The following PRKD2 variants were observed in gnomAD, a reference collection of about 807,000 sequenced individuals.
PRKD2 encodes serine/threonine-protein kinase D2.
PRKD2 carries 22 observed loss-of-function variants against 86.0 expected under a neutral mutation model. The observed-to-expected ratio is 0.26, with a 90% CI of 0.18 to 0.37. The LOEUF is 0.37. PRKD2 is among the 10% of genes least tolerant of loss of function. PRKD2 has a pLI of 1.00. For synonymous variants in PRKD2, 509 were observed against 510.9 expected (o/e 1.00, Z 0.05); for missense variants, 818 against 1,199.2 (o/e 0.68, Z 4.70).
chr19:46,699,154 CCCAGGGCCTTTG>C (rs765598719), intron 7 of PRKD2, among the ~76,000 whole-genome samples: 1 of 152,108 alleles, frequency 6.6e-6, no homozygotes, highest in Non-Finnish European at 1.5e-5. Flanking sequence ...GTGCCTCCAC[CCCAGGGCCTTTG>C]CACTCGCTGT....
At chr19:46,713,164 G>A (rs1030246574) in intron 2 of PRKD2, among the ~76,000 whole-genome samples, 3 of 149,212 alleles carry the variant, frequency 2.0e-5, no homozygotes, top group South Asian at 2.1e-4. Flanking sequence ...GACTACAGAC[G>A]TGTGCCACCT....
chr19:46,675,132 AG>A lies in PRKD2; in HGVS notation c.2339-15del. The A allele has an allele frequency of 6.2e-7, 1 of 1,603,978 alleles. No homozygotes were observed. Among genetic ancestry groups the A allele is most frequent in the Non-Finnish European group, 8.5e-7 (1 of 1,173,932 alleles). ...TGAGGTCAATGGCTGCACAGGAAAG[AG>A]AAACAGGTCAAGCCCTACAGGTCAA... On this transcript the variant is annotated splice_polypyrimidine_tract_variant and intron_variant, in intron 16 of 17. Coordinates refer to ENST00000291281, the MANE Select transcript of PRKD2 (RefSeq NM_016457.5).
chr19:46,693,310 C>T lies in PRKD2; in HGVS notation c.1576+565G>A, dbSNP rs754180019. Among the ~76,000 whole-genome samples, 3 of 152,204 alleles carry T rather than the reference C, an allele frequency of 2.0e-5. No homozygotes were observed. The highest frequency in any genetic ancestry group is 6.5e-5 in the Admixed American group (1 of 15,272). On this transcript the variant is annotated intron_variant, in intron 10 of 17. Transcript: ENST00000291281. The surrounding 1 kb of genome is among the most constrained non-coding windows in gnomAD (Gnocchi z 4.5). ...CACCACTGGGTCCCCAGCACTGTCC[C>T]GCACAGAGGAGGCACTCAGTAAGTG...
At chr19:46,681,236 G>A (rs2053301701) in intron 15 of PRKD2, among the ~76,000 whole-genome samples, 1 of 148,884 alleles carries the variant, frequency 6.7e-6, no homozygotes, top group Non-Finnish European at 1.5e-5. Context: ...GATTACAGGC[G>A]TGAGCCACCG....
chr19:46,680,099 G>A (rs2053273928), intron 15 of PRKD2, among the ~76,000 whole-genome samples: 1 of 152,050 alleles, frequency 6.6e-6, no homozygotes, highest in South Asian at 2.1e-4. Flanking sequence ...GTTGCTTGCA[G>A]GATAGAGCCC....
chr19:46,689,804 T>A (rs948530100), intron 13 of PRKD2, 106 bp from the exon 14 acceptor site: 1 of 1,335,214 alleles, frequency 7.5e-7, no homozygotes, highest in African/African-American at 1.4e-5. Flanking sequence ...AGGATGTCCC[T>A]GGGGTATTGG....
In PRKD2 at chr19:46,678,906, T is replaced by G. The variant is rs533670458; in HGVS notation, c.2071-243A>C. ...CTCAGAGGACTGCCATGATGGTTAG[T>G]GAATTAAACCATCCAAAGCCCACAG... On this transcript the variant is annotated intron_variant, in intron 15 of 17. Transcript: ENST00000291281. This position sits in a 1 kb window ranked among gnomAD's most constrained non-coding sequence, Gnocchi z 5.7. Among the ~76,000 whole-genome samples the G allele has an allele frequency of 7.2e-5, 11 of 152,316 alleles. No individual in the cohort carries two copies. Among genetic ancestry groups the G allele is most frequent in the Admixed American group, 1.3e-4 (2 of 15,298 alleles).
Position 46,693,626 on chromosome 19 carries a change from T to C in PRKD2, c.1576+249A>G, listed in dbSNP as rs533820597. On this transcript the variant is annotated intron_variant, in intron 10 of 17. Coordinates refer to ENST00000291281, the MANE Select transcript of PRKD2 (RefSeq NM_016457.5). The surrounding 1 kb of genome is among the most constrained non-coding windows in gnomAD (Gnocchi z 4.5). ...TAATTGTTTTTATTTTTTGTAGAGA[T>C]GGAATCTCATTATGTTGCCCAGGCT... Among the ~76,000 whole-genome samples the C allele has an allele frequency of 5.3e-5, 8 of 152,224 alleles. No individual in the cohort carries two copies. Among genetic ancestry groups the C allele is most frequent in the Non-Finnish European group, 1.0e-4 (7 of 67,996 alleles).
chr19:46,691,694 A>G, intron 12 of PRKD2, 41 bp downstream of exon 12: 1 of 1,601,690 alleles, frequency 6.2e-7, no homozygotes, highest in Non-Finnish European at 8.5e-7. Context: ...AGCTTCCCCC[A>G]GCCCGGGGCT....
Position 46,694,082 on chromosome 19 carries a change from G to C in PRKD2, c.1369C>G (p.Leu457Val). 6.2e-7 allele frequency: 1 copy of C among 1,614,184 alleles called. No homozygotes were observed. Among genetic ancestry groups the C allele is most frequent in the Non-Finnish European group, 8.5e-7 (1 of 1,180,036 alleles). The part of the protein sequence containing the change: ...LTVESAQNFS[L>V]VPPGTNPHCF... ...TGTGGGTTGGTGCCCGGCGGCACAA[G>C]GCTGAAGTTCTGGGCGGACTCCACC... The change falls in exon 10 of 18, where the codon CTT (leucine) becomes GTT (valine). Residue 457 changes from leucine (L) to valine (V), a missense_variant. Leu to Val is a conservative substitution (Grantham distance 32). This residue lies in a region of PRKD2 where 127 missense variants were observed against 157.8 expected (regional missense o/e 0.80). Transcript: ENST00000291281.
intron 15 of PRKD2, among the ~76,000 whole-genome samples, chr19:46,680,946 A>ATATATATATATATATATATTT: frequency 1.6e-3 from 75 of 48,168 alleles, no homozygotes; most frequent in Non-Finnish European, 2.2e-3. Context: ...ATATATATAT[A>ATATATATATATATATATATTT]TTTTTTTTTT....
chr19:46,705,829 A>G (rs1359274874), intron 3 of PRKD2, among the ~76,000 whole-genome samples: 9 of 151,496 alleles, frequency 5.9e-5, no homozygotes, highest in Non-Finnish European at 1.3e-4. Context: ...GGTCCATTGT[A>G]CCATACTAGG....
At chr19:46,682,346 G>A (rs2053320344) in intron 14 of PRKD2, among the ~76,000 whole-genome samples, 1 of 152,074 alleles carries the variant, frequency 6.6e-6, no homozygotes, top group African/African-American at 2.4e-5. Flanking sequence ...GTAGAGACAG[G>A]GTTTCACCAT....
intron 14 of PRKD2, among the ~76,000 whole-genome samples, chr19:46,683,314 T>C (rs2053340793): frequency 6.6e-6 from 1 of 151,608 alleles, no homozygotes; most frequent in African/African-American, 2.4e-5. Flanking sequence ...AGGCTGGTCT[T>C]GAACTCCTGA....
intron 7 of PRKD2, among the ~76,000 whole-genome samples, chr19:46,698,944 A>G (rs966958085): frequency 6.6e-6 from 1 of 152,068 alleles, no homozygotes; most frequent in Non-Finnish European, 1.5e-5. Flanking sequence ...TTGACAGTGT[A>G]TGACGGTGTT....
chr19:46,685,153 G>A (rs1197228268), intron 14 of PRKD2, among the ~76,000 whole-genome samples: 2 of 151,582 alleles, frequency 1.3e-5, no homozygotes, highest in Non-Finnish European at 2.9e-5. Flanking sequence ...CAGCTACTCA[G>A]GAGGCTGAGG....
chr19:46,675,288 A>G (rs1219320352), intron 16 of PRKD2, among the ~76,000 whole-genome samples, 170 bp from the exon 17 acceptor site: 1 of 151,866 alleles, frequency 6.6e-6, no homozygotes, highest in Non-Finnish European at 1.5e-5. Context: ...TCCTCATTAC[A>G]TTACAAATTT....
intron 2 of PRKD2, among the ~76,000 whole-genome samples, 188 bp from the exon 3 acceptor site, chr19:46,711,226 A>T (rs900665395): frequency 2.0e-5 from 3 of 152,058 alleles, no homozygotes; most frequent in Non-Finnish European, 4.4e-5. Context: ...CAAAACACAT[A>T]TATCCCTACG....
In PRKD2 at chr19:46,693,730, A is replaced by G; in HGVS notation, c.1576+145T>C. The G allele has an allele frequency of 8.0e-7, 1 of 1,248,930 alleles. No individual in the cohort carries two copies. The highest frequency in any genetic ancestry group is 2.3e-5 in the Admixed American group (1 of 42,956). The allele number at this position is 1,248,930 out of a possible 1,614,324, so 77.4% of individuals were successfully genotyped here. A position where few individuals can be genotyped will look rare whatever the true frequency, so the allele number is the denominator to read the frequency against. ...TGGGATTAACAGGAGTGATTAACAG[A>G]GTTTGAACCCAGGCCTGCTGAGTCC... On this transcript the variant is annotated intron_variant, in intron 10 of 17. Coordinates refer to ENST00000291281, the MANE Select transcript of PRKD2 (RefSeq NM_016457.5). This position sits in a 1 kb window ranked among gnomAD's most constrained non-coding sequence, Gnocchi z 4.5.
Sources: allele counts gnomAD v4.1 joint callset (sites outside exome capture counted in the v4.1 genomes callset), GRCh38; gene constraint gnomAD v4.1.1; regional missense constraint gnomAD v4.1.1; non-coding constraint Gnocchi (gnomAD v3.1); transcripts MANE v1.5; gene names NCBI Gene and HGNC (gene_info 2026-07-23, HGNC 2026-07-21).